SCAMP1: variants seen among roughly 807,000 people sequenced by gnomAD.
SCAMP1 encodes the protein secretory carrier-associated membrane protein 1.
In SCAMP1, 15 loss-of-function variants were observed where a neutral mutation model predicts 41.8. The observed-to-expected ratio is 0.36, with a 90% confidence interval of 0.24 to 0.55. The LOEUF (loss-of-function observed/expected upper bound fraction) is 0.55, where lower values mean the gene tolerates loss of function less well. Among genes scored for constraint, SCAMP1 ranks in the 20% least tolerant of loss-of-function variants. The pLI, the probability that SCAMP1 is intolerant of heterozygous loss-of-function variation, is 0.86. For missense variants in SCAMP1, 341 were observed against 412.6 expected, an observed-to-expected ratio of 0.83 and a Z score of 1.50; for synonymous variants, 135 against 136.8, an observed-to-expected ratio of 0.99 and a Z score of 0.09.
At chr5:78,461,640 C>T (rs927338476) in intron 8 of SCAMP1, among the ~76,000 whole-genome samples, 2 of 152,194 alleles carry the variant, frequency 1.3e-5, no homozygotes, top group Admixed American at 6.5e-5. Flanking sequence ...CGGCTCACTG[C>T]ACCCTCAGCC....
chr5:78,389,606 G>GA (rs915972833), intron 2 of SCAMP1, among the ~76,000 whole-genome samples: 2 of 151,856 alleles, frequency 1.3e-5, no homozygotes, highest in Non-Finnish European at 2.9e-5. Flanking sequence ...GTACAAGTAT[G>GA]AAAAAAATCC....
chr5:78,466,201 G>A (rs1753740784), intron 8 of SCAMP1, among the ~76,000 whole-genome samples: 1 of 152,244 alleles, frequency 6.6e-6, no homozygotes, highest in Non-Finnish European at 1.5e-5. Flanking sequence ...TTAAACAGCT[G>A]TTATTGAGCA....
At chr5:78,416,778 G>A (rs1752220904) in intron 4 of SCAMP1, 129 bp downstream of exon 4, 2 of 631,294 alleles carry the variant, frequency 3.2e-6, no homozygotes, top group East Asian at 3.0e-5. Context: ...AAGGAGATCA[G>A]ACACAGCAGA....
intron 2 of SCAMP1, among the ~76,000 whole-genome samples, chr5:78,393,204 T>C (rs1751563232): frequency 6.6e-6 from 1 of 152,178 alleles, no homozygotes; most frequent in South Asian, 2.1e-4. Flanking sequence ...AGAGATAGGG[T>C]CTCACTCTGT....
intron 2 of SCAMP1, among the ~76,000 whole-genome samples, chr5:78,412,134 G>A (rs560272596): frequency 6.6e-6 from 1 of 151,938 alleles, no homozygotes; most frequent in Non-Finnish European, 1.5e-5. Context: ...CTAGTGAAAT[G>A]TATTAACTAA....
chr5:78,469,016 C>CT (rs1753809866), intron 8 of SCAMP1, among the ~76,000 whole-genome samples: 3 of 152,096 alleles, frequency 2.0e-5, no homozygotes. Flanking sequence ...AAAAAGCCTT[C>CT]TGTGTACTTG....
At chr5:78,396,387 T>C (rs766090569) in intron 2 of SCAMP1, among the ~76,000 whole-genome samples, 2 of 152,166 alleles carry the variant, frequency 1.3e-5, no homozygotes, top group Non-Finnish European at 2.9e-5. Flanking sequence ...TTCCTTTCCA[T>C]CTTGCTGTGA....
intron 3 of SCAMP1, among the ~76,000 whole-genome samples, chr5:78,416,239 A>G (rs1019100045): frequency 1.3e-5 from 2 of 152,294 alleles, no homozygotes; most frequent in Admixed American, 1.3e-4. Context: ...TCATTTAGGC[A>G]TAGAGGTCAT....
rs990958749 is a variant in SCAMP1 at position 78,421,523 on chromosome 5, G to C, written c.473-278G>C. 2.6e-5 allele frequency among the ~76,000 whole-genome samples: 4 copies of C among 152,140 alleles called. 1 individual carries two copies. Among genetic ancestry groups the C allele is most frequent in the Admixed American group, 2.6e-4 (4 of 15,274 alleles). Reference sequence around the variant, plus strand: ...TTTTCGGGAAGAAGCCCTTAAGGTAGTGCGCCTCTGGTTTAGCTACATCAT... The same window carrying C: ...TTTTCGGGAAGAAGCCCTTAAGGTACTGCGCCTCTGGTTTAGCTACATCAT... On this transcript the variant is annotated intron_variant, in intron 5 of 8. Transcript: ENST00000621999.
intron 2 of SCAMP1, among the ~76,000 whole-genome samples, chr5:78,414,279 T>TTTA (rs1334938386): frequency 2.6e-5 from 4 of 151,624 alleles, no homozygotes; most frequent in East Asian, 1.9e-4. Context: ...TAATTTTTAT[T>TTTA]TTATTATTAT....
At chr5:78,421,149 T>C (rs1184717076) in intron 5 of SCAMP1, among the ~76,000 whole-genome samples, 1 of 152,204 alleles carries the variant, frequency 6.6e-6, no homozygotes, top group Non-Finnish European at 1.5e-5. Context: ...ATATGATGAA[T>C]TTGTCAACAT....
intron 1 of SCAMP1, among the ~76,000 whole-genome samples, chr5:78,387,117 T>C (rs1751360723): frequency 6.6e-6 from 1 of 152,202 alleles, no homozygotes; most frequent in Non-Finnish European, 1.5e-5. Context: ...TTAAACATAA[T>C]CCCAAACTTG....
intron 2 of SCAMP1, among the ~76,000 whole-genome samples, chr5:78,391,957 G>C (rs1461841849): frequency 6.6e-6 from 1 of 152,126 alleles, no homozygotes; most frequent in Non-Finnish European, 1.5e-5. Flanking sequence ...GATGGCAGCA[G>C]TACAGTCCAG....
intron 8 of SCAMP1, among the ~76,000 whole-genome samples, chr5:78,460,184 T>C (rs1753548715): frequency 6.6e-6 from 1 of 152,260 alleles, no homozygotes; most frequent in Non-Finnish European, 1.5e-5. Flanking sequence ...TCTGTGACTT[T>C]GCTATTGTGA....
At chr5:78,419,587 A>G (rs1307232881) in intron 5 of SCAMP1, among the ~76,000 whole-genome samples, 2 of 152,134 alleles carry the variant, frequency 1.3e-5, no homozygotes, top group Non-Finnish European at 2.9e-5. Context: ...TTTTTATTCC[A>G]AACAGTAGTC....
chr5:78,464,640 A>C (rs924096139), intron 8 of SCAMP1, among the ~76,000 whole-genome samples: 6 of 149,956 alleles, frequency 4.0e-5, no homozygotes, highest in Non-Finnish European at 8.9e-5. Context: ...TGGGAACGGC[A>C]TTTTGGTGGC....
chr5:78,365,302 G>A (rs1174915642), intron 1 of SCAMP1, among the ~76,000 whole-genome samples: 2 of 151,584 alleles, frequency 1.3e-5, no homozygotes, highest in Admixed American at 6.6e-5. Flanking sequence ...GTGAAACCCC[G>A]TCTCTACCAA....
intron 2 of SCAMP1, among the ~76,000 whole-genome samples, chr5:78,411,027 C>G (rs1325275823): frequency 2.0e-5 from 3 of 151,992 alleles, no homozygotes; most frequent in Non-Finnish European, 4.4e-5. Context: ...CTTATAGACT[C>G]TGGTTATTAG....
At position 78,479,725 on chromosome 5, in the gene SCAMP1, G is replaced by A. The variant is rs1484493299; in HGVS notation, c.*4057G>A. 1.3e-5 allele frequency among the ~76,000 whole-genome samples: 2 copies of A among 152,156 alleles called. No homozygotes were observed. Among genetic ancestry groups the A allele is most frequent in the African/African-American group, 4.8e-5 (2 of 41,442 alleles). ...TTTATATTTACAATTTAACTTTGGG[G>A]TTTGGGTAAGACAAACATTTAATGT... On this transcript the variant is annotated 3_prime_UTR_variant, in exon 9 of 9. Coordinates refer to ENST00000621999, the MANE Select transcript of SCAMP1 (RefSeq NM_004866.6).
Sources: gnomAD v4.1 joint callset for allele counts (sites outside exome capture counted in the v4.1 genomes callset) on GRCh38, gnomAD v4.1.1 for gene constraint, MANE v1.5 for transcripts, NCBI Gene and HGNC (gene_info 2026-07-23, HGNC 2026-07-21) for gene names.